CEP162: variants seen among roughly 807,000 people sequenced by gnomAD.
CEP162 encodes centrosomal protein of 162 kDa.
CEP162 carries 141 observed loss-of-function variants against 169.2 expected under a neutral mutation model. That is an observed-to-expected ratio of 0.83 (90% confidence interval 0.73 to 0.96). CEP162 has a LOEUF of 0.96. CEP162 is among the 40% of genes least tolerant of loss of function. CEP162 has a pLI of 0.00. For synonymous variants in CEP162, 540 were observed against 526.4 expected (o/e 1.03, Z -0.35); for missense variants, 1,600 against 1,587.2 (o/e 1.01, Z -0.14).
At chr6:84,133,073 C>T (rs533685952) in intron 25 of CEP162, among the ~76,000 whole-genome samples, 9 of 152,322 alleles carry the variant, frequency 5.9e-5, no homozygotes, top group African/African-American at 2.2e-4. Flanking sequence ...AGTTTTCCTT[C>T]TAACCGTCAG....
chr6:84,161,858 A>G lies in CEP162; in HGVS notation c.2564T>C (p.Ile855Thr). 6.3e-7 allele frequency: 1 copy of G among 1,580,676 alleles called. No homozygotes were observed. The highest frequency in any genetic ancestry group is 2.3e-5 in the East Asian group (1 of 44,268). Reference protein sequence around the residue: ...KILEETHKQEISRLQKRLQWY... With the variant: ...KILEETHKQETSRLQKRLQWY... Reference sequence around the variant, plus strand: ...CTGTAATCTTTTTTGCAGACGACTGATTTCTTGTTTATGTGTTTCTTCTAA... The same window carrying G: ...CTGTAATCTTTTTTGCAGACGACTGGTTTCTTGTTTATGTGTTTCTTCTAA... The change falls in exon 20 of 27, where the codon ATC (isoleucine) becomes ACC (threonine). Residue 855 changes from isoleucine (I) to threonine (T), a missense_variant. Physicochemically the swap from Ile to Thr is moderately conservative, Grantham distance 89. Transcript: ENST00000403245.
At chr6:84,217,102 A>G (rs2127751907) in intron 3 of CEP162, among the ~76,000 whole-genome samples, 1 of 152,322 alleles carries the variant, frequency 6.6e-6, no homozygotes, top group South Asian at 2.1e-4. Context: ...AGGAGGAGAC[A>G]ATCAACAGCA....
At chr6:84,209,807 C>T (rs913966490) in intron 6 of CEP162, among the ~76,000 whole-genome samples, 1 of 152,126 alleles carries the variant, frequency 6.6e-6, no homozygotes, top group Non-Finnish European at 1.5e-5. Flanking sequence ...AGTAACTAAG[C>T]AGCCTACAGG....
intron 23 of CEP162, 34 bp from the exon 24 acceptor site, chr6:84,149,737 A>T: frequency 6.9e-7 from 1 of 1,443,036 alleles, no homozygotes. Flanking sequence ...CACACATAAA[A>T]GTGGCTCTTC....
chr6:84,162,231 A>ATTT (rs1246271766), intron 19 of CEP162, among the ~76,000 whole-genome samples: 1 of 152,178 alleles, frequency 6.6e-6, no homozygotes, highest in Non-Finnish European at 1.5e-5. Flanking sequence ...TAAATGTTGG[A>ATTT]TTTAAGAAAT....
At chr6:84,160,500 G>A (rs1053866990) in intron 21 of CEP162, among the ~76,000 whole-genome samples, 1 of 152,152 alleles carries the variant, frequency 6.6e-6, no homozygotes, top group Non-Finnish European at 1.5e-5. Flanking sequence ...CGGTCAGGAA[G>A]AGAAATCCTA....
intron 2 of CEP162, among the ~76,000 whole-genome samples, chr6:84,224,642 T>C (rs996719686): frequency 4.6e-5 from 7 of 151,970 alleles, no homozygotes; most frequent in Admixed American, 2.0e-4. Context: ...CAATAATTTA[T>C]CAAAGTGAGA....
At chr6:84,172,187 C>A (rs1013876729) in intron 16 of CEP162, among the ~76,000 whole-genome samples, 3 of 152,080 alleles carry the variant, frequency 2.0e-5, no homozygotes, top group Non-Finnish European at 4.4e-5. Flanking sequence ...GATGTACCTA[C>A]GGGTGCTCAT....
chr6:84,225,576 G>A, intron 2 of CEP162, among the ~76,000 whole-genome samples: 1 of 152,012 alleles, frequency 6.6e-6, no homozygotes, highest in African/African-American at 2.4e-5. Context: ...TATTTATTAA[G>A]TATTTATTAG....
At chr6:84,146,289 T>C (rs1469243783) in intron 25 of CEP162, among the ~76,000 whole-genome samples, 2 of 152,140 alleles carry the variant, frequency 1.3e-5, no homozygotes, top group South Asian at 2.1e-4. Flanking sequence ...TTAATCTGTC[T>C]TTTGTTATGG....
intron 9 of CEP162, among the ~76,000 whole-genome samples, chr6:84,197,578 T>C (rs1418420011): frequency 6.6e-6 from 1 of 151,990 alleles, no homozygotes; most frequent in Non-Finnish European, 1.5e-5. Flanking sequence ...TTTGGGAGGC[T>C]GAAGCAGGTG....
intron 6 of CEP162, among the ~76,000 whole-genome samples, chr6:84,205,507 C>T (rs2099546525): frequency 6.6e-6 from 1 of 152,086 alleles, no homozygotes; most frequent in African/African-American, 2.4e-5. Flanking sequence ...AGGCCTTTGA[C>T]AAAATTCAAC....
At position 84,125,170 on chromosome 6, in the gene CEP162, G is replaced by A; in HGVS notation, c.4112C>T (p.Thr1371Ile). 2 of 1,613,578 alleles carry A rather than the reference G, an allele frequency of 1.2e-6. No homozygotes were observed. The highest frequency in any genetic ancestry group is 1.1e-5 in the South Asian group (1 of 91,068). ...LKNRELEKFR[T>I]ELDSILDVLR... ...AACATCTAATATTGAGTCTAGTTCT[G>A]TGCGGAACTTCTCCAGCTCACGATT... Residue 1371 changes from threonine to isoleucine, a missense_variant, in exon 27 of 27, where the codon ACA (threonine) becomes ATA (isoleucine). Physicochemically the swap from Thr to Ile is moderately conservative, Grantham distance 89 (BLOSUM62 -1). Coordinates refer to ENST00000403245, the MANE Select transcript of CEP162 (RefSeq NM_014895.4).
intron 16 of CEP162, among the ~76,000 whole-genome samples, chr6:84,172,066 C>T (rs1425395512): frequency 6.6e-6 from 1 of 151,984 alleles, no homozygotes; most frequent in Non-Finnish European, 1.5e-5. Flanking sequence ...GGTGGAAAGA[C>T]CCAGTGAGAC....
intron 9 of CEP162, 84 bp from the exon 10 acceptor site, chr6:84,195,159 G>T: frequency 1.8e-6 from 2 of 1,114,218 alleles, no homozygotes; most frequent in African/African-American, 1.6e-5. Flanking sequence ...TCCTTAACCT[G>T]TTAGGAATAT....
chr6:84,166,622 T>C (rs1369408590), intron 18 of CEP162, among the ~76,000 whole-genome samples: 1 of 152,142 alleles, frequency 6.6e-6, no homozygotes, highest in Non-Finnish European at 1.5e-5. Context: ...AGGTGTTCAA[T>C]AAAGGCTGTC....
At chr6:84,172,279 C>T (rs569285657) in intron 16 of CEP162, among the ~76,000 whole-genome samples, 1 of 152,268 alleles carries the variant, frequency 6.6e-6, no homozygotes, top group South Asian at 2.1e-4. Context: ...GAGCAGAGGA[C>T]AGACCCAGTT....
chr6:84,174,010 C>T (rs372221562), intron 16 of CEP162, 38 bp downstream of exon 16: 273 of 1,570,106 alleles, frequency 1.7e-4, no homozygotes, highest in Non-Finnish European at 2.2e-4. Context: ...ACTAAAAGAT[C>T]AAGAGTAAAT....
In CEP162 at chr6:84,204,020, T is replaced by C; in HGVS notation, c.648A>G (p.Lys216=). The C allele has an allele frequency of 6.2e-7, 1 of 1,610,746 alleles. No individual in the cohort carries two copies. The highest frequency in any genetic ancestry group is 8.5e-7 in the Non-Finnish European group (1 of 1,178,402). ...LTTKDEEMPS[K]ENSKSEKISV... is the part of the protein sequence containing the mutation. ...TTATTTTTTCTGATTTGGAATTCTC[T>C]TTGGAAGGCATCTCTTCATCTTTAG... The change falls in exon 7 of 27, where the codon AAA becomes AAG. Residue 216 remains lysine (K), a synonymous_variant. Transcript: ENST00000403245.
Sources: allele counts gnomAD v4.1 joint callset (sites outside exome capture counted in the v4.1 genomes callset), GRCh38; gene constraint gnomAD v4.1.1; transcripts MANE v1.5; gene names NCBI Gene and HGNC (gene_info 2026-07-23, HGNC 2026-07-21).